The following BCAS1 variants were observed in gnomAD, a reference collection of about 807,000 sequenced individuals.
BCAS1 encodes the protein breast carcinoma-amplified sequence 1.
In BCAS1, 46 loss-of-function variants were observed where a neutral mutation model predicts 65.4. The observed-to-expected ratio is 0.70, with a 90% confidence interval of 0.55 to 0.90. BCAS1 has a LOEUF of 0.90. BCAS1 is among the 40% of genes least tolerant of loss of function. BCAS1 has a pLI of 0.00. For synonymous variants in BCAS1, 298 were observed against 293.5 expected (o/e 1.02, Z -0.16); for missense variants, 793 against 771.2 (o/e 1.03, Z -0.33).
intron 7 of BCAS1, among the ~76,000 whole-genome samples, chr20:53,989,178 AG>A (rs962113115): frequency 2.6e-5 from 4 of 152,046 alleles, no homozygotes; most frequent in Non-Finnish European, 4.4e-5. Flanking sequence ...AGTCTAAAAA[AG>A]TATCATGGTG....
intron 9 of BCAS1, among the ~76,000 whole-genome samples, chr20:53,970,492 GA>G (rs1167283308): frequency 6.6e-6 from 1 of 152,168 alleles, no homozygotes; most frequent in Admixed American, 6.5e-5. Context: ...CAGGGCTTTG[GA>G]AAAAGTTGTT....
intron 3 of BCAS1, among the ~76,000 whole-genome samples, chr20:54,056,270 T>A (rs1310619340): frequency 6.6e-6 from 1 of 152,018 alleles, no homozygotes; most frequent in African/African-American, 2.4e-5. Flanking sequence ...GGAATACTAC[T>A]CAACCATAAA....
At chr20:53,995,293 A>G (rs1191506511) in intron 5 of BCAS1, among the ~76,000 whole-genome samples, 2 of 152,216 alleles carry the variant, frequency 1.3e-5, no homozygotes, top group Non-Finnish European at 2.9e-5. Flanking sequence ...GTTTGACCAC[A>G]TTCAAAATTG....
At chr20:53,965,985 T>C (rs1300119105) in intron 10 of BCAS1, among the ~76,000 whole-genome samples, 1 of 152,138 alleles carries the variant, frequency 6.6e-6, no homozygotes, top group East Asian at 1.9e-4. Context: ...AAATAGATGT[T>C]GGCGTGGAGG....
At chr20:54,048,375 A>G (rs2092148971) in intron 3 of BCAS1, among the ~76,000 whole-genome samples, 1 of 152,116 alleles carries the variant, frequency 6.6e-6, no homozygotes, top group South Asian at 2.1e-4. Context: ...TTGCATCTCA[A>G]AGAGATGCTT....
chr20:53,991,653 A>G (rs915985620), intron 7 of BCAS1, among the ~76,000 whole-genome samples: 6 of 152,218 alleles, frequency 3.9e-5, no homozygotes, highest in Non-Finnish European at 1.5e-5. Flanking sequence ...TCCCAAGGAC[A>G]TGGAGCTGAA....
At position 54,060,495 on chromosome 20, in the gene BCAS1, T is replaced by C. The variant is rs565943624; in HGVS notation, c.-5-1772A>G. On this transcript the variant is annotated intron_variant, in intron 1 of 12. Transcript: ENST00000688948. ...ACCAGACTATTTTTTTTTTTTTTTG[T>C]ATTTTTAGTAGAGATGGGTTTTCAC... Among the ~76,000 whole-genome samples the C allele has an allele frequency of 3.2e-4, 48 of 149,636 alleles. 1 individual carries two copies. In the East Asian group the frequency reaches 7.9e-3, roughly 25 times the overall value.
chr20:53,946,565 G>A lies in BCAS1; in HGVS notation c.1816-1569C>T, dbSNP rs146300527. Among the ~76,000 whole-genome samples, 208 of 150,352 alleles carry A rather than the reference G, an allele frequency of 1.4e-3. 2 individuals are homozygous for A. The East Asian group carries it at 0.031, about 23-fold the overall frequency. ...GTATAGTATAGAGTAGTATAATAAC[G>A]TATTGTAGCATAGTATATATAGATA... is the stretch of plus-strand genomic sequence containing the variant. On this transcript the variant is annotated intron_variant, in intron 12 of 12. Transcript: ENST00000688948.
chr20:54,058,950 G>C lies in BCAS1; in HGVS notation c.-5-227C>G, dbSNP rs739865. On this transcript the variant is annotated intron_variant, in intron 1 of 12. Transcript: ENST00000688948. ...TTGAATTGACTCATGGTTCCGCATG[G>C]CTGGGGAGACCGCAGGAAACTTACA... Among the ~76,000 whole-genome samples, 782 of 152,210 alleles carry C rather than the reference G, an allele frequency of 5.1e-3. 8 individuals are homozygous for C. Among genetic ancestry groups the C allele is most frequent in the African/African-American group, 0.017 (694 of 41,542 alleles).
At chr20:54,035,287 C>T (rs564723239) in intron 3 of BCAS1, among the ~76,000 whole-genome samples, 2 of 149,282 alleles carry the variant, frequency 1.3e-5, no homozygotes, top group African/African-American at 4.9e-5. Flanking sequence ...GTAGTCCCAG[C>T]TACTTGGAGA....
intron 1 of BCAS1, among the ~76,000 whole-genome samples, chr20:54,065,942 A>T (rs909426833): frequency 6.6e-6 from 1 of 152,224 alleles, no homozygotes; most frequent in Non-Finnish European, 1.5e-5. Flanking sequence ...CAGTAAATAA[A>T]ATGGACCATA....
At chr20:54,015,831 G>A (rs1385677605) in intron 4 of BCAS1, among the ~76,000 whole-genome samples, 1 of 152,166 alleles carries the variant, frequency 6.6e-6, no homozygotes, top group Non-Finnish European at 1.5e-5. Context: ...CAGTCTAGAG[G>A]AGGAATCGAG....
intron 12 of BCAS1, among the ~76,000 whole-genome samples, chr20:53,950,493 CA>C (rs2089485800): frequency 1.3e-5 from 2 of 150,906 alleles, no homozygotes; most frequent in African/African-American, 4.9e-5. Context: ...CATACTCAGG[CA>C]AACTCTATCG....
chr20:54,027,306 C>T (rs1170192757), intron 4 of BCAS1, among the ~76,000 whole-genome samples: 1 of 152,130 alleles, frequency 6.6e-6, no homozygotes, highest in Non-Finnish European at 1.5e-5. Flanking sequence ...CTTCGTAGCA[C>T]CCTGGATGCA....
Position 54,058,634 on chromosome 20 carries a change from G to A in BCAS1, c.72+13C>T. On this transcript the variant is annotated intron_variant, in intron 2 of 12. Transcript: ENST00000688948. ...TTTTTCTGCTGATGCCCCTGTAATG[G>A]TTACTACACTACCTGGTAAGTCTCT... 1 of 1,535,536 alleles carries A rather than the reference G, an allele frequency of 6.5e-7. No homozygotes were observed. The highest frequency in any genetic ancestry group is 8.8e-7 in the Non-Finnish European group (1 of 1,133,324).
intron 8 of BCAS1, among the ~76,000 whole-genome samples, chr20:53,976,331 C>T (rs1009239553): frequency 6.6e-5 from 10 of 152,148 alleles, no homozygotes; most frequent in African/African-American, 2.4e-5. Flanking sequence ...ATATACTTTG[C>T]AAATAATTTC....
chr20:53,976,038 G>C (rs1345779457), intron 8 of BCAS1, among the ~76,000 whole-genome samples: 3 of 152,160 alleles, frequency 2.0e-5, no homozygotes, highest in African/African-American at 2.4e-5. Flanking sequence ...TCTGTGGAAG[G>C]CTAGAGAGCT....
At chr20:53,957,573 AT>A in intron 10 of BCAS1, 76 bp from the exon 11 acceptor site, 1 of 1,332,392 alleles carries the variant, frequency 7.5e-7, no homozygotes, top group African/African-American at 1.4e-5. Flanking sequence ...TCTGAAATGG[AT>A]GATCTCAGTC....
Position 53,996,043 on chromosome 20 carries a change from A to T in BCAS1, c.731T>A (p.Val244Asp), listed in dbSNP as rs751877353. 1 of 1,601,934 alleles carries T rather than the reference A, an allele frequency of 6.2e-7. No individual in the cohort carries two copies. Among genetic ancestry groups the T allele is most frequent in the East Asian group, 2.2e-5 (1 of 44,710 alleles). The change falls in exon 5 of 13, where the codon GTT becomes GAT. Residue 244 changes from valine (V) to aspartate (D), a missense_variant. Val to Asp is a radical substitution (Grantham distance 152). Coordinates refer to ENST00000688948, the MANE Select transcript of BCAS1 (RefSeq NM_001366298.2). ...TTGTCCTTCTTTTTCCTTGCCGTCA[A>T]CTATGTCCTAGGGGCAAAACAGTTG... is the stretch of plus-strand genomic sequence containing the variant. ...SDDVPAGKDIVDGKEKEGQEL... is the reference protein window; with the variant it reads ...SDDVPAGKDIDDGKEKEGQEL...
Sources: gnomAD v4.1 joint callset for allele counts (sites outside exome capture counted in the v4.1 genomes callset) on GRCh38, gnomAD v4.1.1 for gene constraint, MANE v1.5 for transcripts, NCBI Gene and HGNC (gene_info 2026-07-23, HGNC 2026-07-21) for gene names.